Variants in GALNTL6 observed in about 807,000 individuals in gnomAD.
GALNTL6 encodes the protein polypeptide N-acetylgalactosaminyltransferase like 6.
A neutral mutation model predicts 73.7 loss-of-function variants in GALNTL6; 46 were observed. That is an observed-to-expected ratio of 0.62 (90% confidence interval 0.49 to 0.80). The LOEUF (loss-of-function observed/expected upper bound fraction) is 0.80. Ranked by LOEUF, GALNTL6 falls within the 30% of genes least tolerant of loss-of-function variation. The probability of loss-of-function intolerance (pLI) is 0.00; values close to 1 mark genes in which losing one functional copy is unlikely to be tolerated. For missense variants in GALNTL6, 604 were observed against 755.0 expected (o/e 0.80, Z 2.34); for synonymous variants, 259 against 263.7 (o/e 0.98, Z 0.17).
intron 5 of GALNTL6, among the ~76,000 whole-genome samples, chr4:172,407,993 G>A (rs374800130): frequency 1.3e-5 from 2 of 151,920 alleles, no homozygotes; most frequent in Non-Finnish European, 2.9e-5. Flanking sequence ...TTATTGAAAC[G>A]GTGGAAAATA....
At chr4:172,235,044 T>C (rs1907563) in intron 3 of GALNTL6, among the ~76,000 whole-genome samples, 3,165 of 152,262 alleles carry the variant, frequency 0.021, 107 homozygotes, top group African/African-American at 0.071. Flanking sequence ...GTCCATTATA[T>C]CTAAATGTTT....
rs987841094 is a variant in GALNTL6 at position 172,494,023 on chromosome 4, T to A, written c.553+145334T>A. On this transcript the variant is annotated intron_variant, in intron 5 of 12. Transcript: ENST00000506823. ...CTGTGTTTTTTTAACCTATATATTT[T>A]ACCTGTACATACTTCTAGTACAGCT... is the stretch of plus-strand genomic sequence containing the variant. 7.2e-5 allele frequency among the ~76,000 whole-genome samples: 11 copies of A among 152,166 alleles called. 1 individual carries two copies. The highest frequency in any genetic ancestry group is 3.9e-4 in the Admixed American group (6 of 15,272).
chr4:172,822,959 G>T (rs1301638869), intron 7 of GALNTL6, among the ~76,000 whole-genome samples: 1 of 152,092 alleles, frequency 6.6e-6, no homozygotes, highest in African/African-American at 2.4e-5. Context: ...GCATTTTCAT[G>T]GGTTCTGTCC....
At chr4:172,440,378 A>T (rs935063058) in intron 5 of GALNTL6, among the ~76,000 whole-genome samples, 7 of 152,120 alleles carry the variant, frequency 4.6e-5, no homozygotes, top group Admixed American at 3.3e-4. Flanking sequence ...AAAGAAGCCG[A>T]TCTGGAAAGG....
intron 9 of GALNTL6, among the ~76,000 whole-genome samples, chr4:172,935,837 AAT>A (rs1419147969): frequency 2.0e-5 from 3 of 152,224 alleles, no homozygotes; most frequent in African/African-American, 7.2e-5. Context: ...TTCACAGCCA[AAT>A]TCTACCAGAG....
chr4:172,374,106 A>G (rs112477907), intron 5 of GALNTL6, among the ~76,000 whole-genome samples: 1 of 152,030 alleles, frequency 6.6e-6, no homozygotes, highest in Admixed American at 6.5e-5. Flanking sequence ...CATAGTGGAC[A>G]TGGACGATGG....
intron 2 of GALNTL6, among the ~76,000 whole-genome samples, chr4:171,868,628 C>A (rs1369624811): frequency 6.6e-6 from 1 of 152,182 alleles, no homozygotes; most frequent in African/African-American, 2.4e-5. Flanking sequence ...TCCCTTGAAT[C>A]ATCTTGGAAC....
intron 2 of GALNTL6, among the ~76,000 whole-genome samples, chr4:172,092,331 C>T (rs1029126301): frequency 6.6e-6 from 1 of 151,978 alleles, no homozygotes; most frequent in African/African-American, 2.4e-5. Context: ...AAATTTGGAA[C>T]ACATATTAAT....
chr4:172,677,321 A>G (rs1452407407), intron 5 of GALNTL6, among the ~76,000 whole-genome samples: 6 of 152,174 alleles, frequency 3.9e-5, no homozygotes, highest in African/African-American at 7.2e-5. Flanking sequence ...CTCTGACCCA[A>G]TTCGGCACTG....
chr4:172,464,486 T>A (rs1015770527), intron 5 of GALNTL6, among the ~76,000 whole-genome samples: 2 of 151,998 alleles, frequency 1.3e-5, no homozygotes, highest in African/African-American at 4.8e-5. Context: ...GGCAGGTGGG[T>A]CACCTGAGGT....
At chr4:172,737,876 C>A (rs1014595422) in intron 5 of GALNTL6, among the ~76,000 whole-genome samples, 6 of 152,156 alleles carry the variant, frequency 3.9e-5, no homozygotes, top group African/African-American at 1.4e-4. Flanking sequence ...CACTGCCTGT[C>A]CCAAATTGGG....
At chr4:173,018,111 A>G (rs1185201211) in intron 11 of GALNTL6, among the ~76,000 whole-genome samples, 2 of 152,222 alleles carry the variant, frequency 1.3e-5, no homozygotes, top group African/African-American at 2.4e-5. Context: ...AAATAAATCA[A>G]TCAAGACCAC....
chr4:172,683,393 A>G (rs561073053), intron 5 of GALNTL6, among the ~76,000 whole-genome samples: 2 of 152,360 alleles, frequency 1.3e-5, no homozygotes, highest in East Asian at 1.9e-4. Flanking sequence ...CAACATTAAA[A>G]TACTTTGGTC....
At chr4:172,596,412 T>C (rs1416744065) in intron 5 of GALNTL6, among the ~76,000 whole-genome samples, 3 of 143,912 alleles carry the variant, frequency 2.1e-5, no homozygotes, top group East Asian at 2.0e-4. Context: ...ACCACCACGC[T>C]CCTGCCTGGG....
At chr4:172,728,013 A>G (rs957752644) in intron 5 of GALNTL6, among the ~76,000 whole-genome samples, 1 of 151,964 alleles carries the variant, frequency 6.6e-6, no homozygotes, top group Non-Finnish European at 1.5e-5. Flanking sequence ...CCTGGGTTCA[A>G]GCGATTCTCC....
intron 3 of GALNTL6, among the ~76,000 whole-genome samples, chr4:172,299,418 T>G (rs1303002283): frequency 6.6e-6 from 1 of 152,228 alleles, no homozygotes; most frequent in East Asian, 1.9e-4. Context: ...AGCTTTTGAA[T>G]GTGTTTGCTC....
intron 5 of GALNTL6, among the ~76,000 whole-genome samples, chr4:172,711,177 C>T (rs1422455935): frequency 3.9e-5 from 6 of 152,144 alleles, no homozygotes; most frequent in African/African-American, 7.2e-5. Context: ...AAATCACCTA[C>T]GTGACACTTG....
At chr4:172,995,069 T>A (rs1299588431) in intron 10 of GALNTL6, among the ~76,000 whole-genome samples, 1 of 152,178 alleles carries the variant, frequency 6.6e-6, no homozygotes, top group South Asian at 2.1e-4. Context: ...GCCCTTGGCT[T>A]TGAGGATAAT....
At chr4:172,901,819 A>G (rs886541526) in intron 8 of GALNTL6, among the ~76,000 whole-genome samples, 7 of 152,196 alleles carry the variant, frequency 4.6e-5, no homozygotes, top group Non-Finnish European at 8.8e-5. Flanking sequence ...ATTTCATGCC[A>G]TAACATAAAC....
Sources: gnomAD v4.1 joint callset for allele counts (sites outside exome capture counted in the v4.1 genomes callset) on GRCh38, gnomAD v4.1.1 for gene constraint, MANE v1.5 for transcripts, NCBI Gene and HGNC (gene_info 2026-07-23, HGNC 2026-07-21) for gene names.